ABCC10: variants seen among roughly 807,000 people sequenced by gnomAD.
ABCC10 encodes the protein ATP binding cassette subfamily C member 10, also known as ATP-binding cassette sub-family C member 10.
A neutral mutation model predicts 143.2 loss-of-function variants in ABCC10; 110 were observed. The ratio of observed to expected loss-of-function variants is 0.77; its 90% CI spans 0.66 to 0.90. The LOEUF (loss-of-function observed/expected upper bound fraction) is 0.90, where lower values mean the gene tolerates loss of function less well. Among genes scored for constraint, ABCC10 ranks in the 40% least tolerant of loss-of-function variants. The pLI is 0.00. For synonymous variants in ABCC10, 805 were observed against 846.7 expected (o/e 0.95, Z 0.85); for missense variants, 1,700 against 1,900.5 (o/e 0.89, Z 1.96).
rs148676739 is a variant in ABCC10 at position 43,434,649 on chromosome 6, G to A, written c.1409G>A (p.Arg470Gln). The A allele has an allele frequency of 4.1e-5, 66 of 1,613,868 alleles. No homozygotes were observed. Among genetic ancestry groups the A allele is most frequent in the East Asian group, 1.6e-4 (7 of 44,890 alleles). Residue 470 changes from arginine to glutamine, a missense_variant, in exon 4 of 22, where the codon CGG becomes CAG. Transcript: ENST00000372530. ...GTGACAGAGCTGCTGAGTGGCATTC[G>A]GGTCATCAAGTTCTGCGGGTGGGAG... is the stretch of plus-strand genomic sequence containing the variant. ...KLVTELLSGI[R>Q]VIKFCGWEQA...
rs760732266 is a variant in ABCC10, at chr6:43,432,657, A to T, written c.677A>T (p.Tyr226Phe). 5 of 1,613,772 alleles carry T rather than the reference A, an allele frequency of 3.1e-6. No homozygotes were observed. The highest frequency in any genetic ancestry group is 1.6e-4 in the Middle Eastern group (1 of 6,062). The change falls in exon 3 of 22, where the codon TAT becomes TTT. Residue 226 changes from tyrosine (Y) to phenylalanine (F), a missense_variant. By Grantham distance (22) the Tyr-to-Phe change is conservative. Coordinates refer to ENST00000372530, the MANE Select transcript of ABCC10 (RefSeq NM_001198934.2). Reference sequence around the variant, plus strand: ...GAGAGTTGGCTGTCACGCTTTTCCTATGCCTGGCTGGCACCCTTGCTGGCC... The same window carrying T: ...GAGAGTTGGCTGTCACGCTTTTCCTTTGCCTGGCTGGCACCCTTGCTGGCC... ...DGESWLSRFS[Y>F]AWLAPLLARG...
At chr6:43,450,696 C>G (rs865806253), downstream of ABCC10, 1 of 1,614,024 alleles carries the variant, frequency 6.2e-7, no homozygotes, top group Admixed American at 1.7e-5. This position sits in a 1 kb window ranked among gnomAD's most constrained non-coding sequence, Gnocchi z 4.5. Flanking sequence ...ACCCCGGCGC[C>G]AGGCCCTCAG....
intron 15 of ABCC10, 133 bp downstream of exon 15, chr6:43,446,075 C>A: frequency 1.7e-6 from 2 of 1,206,770 alleles, no homozygotes; most frequent in Non-Finnish European, 2.3e-6. Context: ...AGGAAAGCAA[C>A]AGAAGAAGGA....
At chr6:43,433,930 G>A (rs983916856) in intron 3 of ABCC10, among the ~76,000 whole-genome samples, 2 of 152,258 alleles carry the variant, frequency 1.3e-5, no homozygotes, top group Admixed American at 6.5e-5. Context: ...GTTCTGCAGT[G>A]ATTGTGGGTA....
intron 8 of ABCC10, 42 bp downstream of exon 8, chr6:43,438,837 C>T (rs1430332197): frequency 6.2e-7 from 1 of 1,607,310 alleles, no homozygotes; most frequent in Non-Finnish European, 8.5e-7. Flanking sequence ...CCTGTTTCTC[C>T]AGTGTCCCTG....
intron 18 of ABCC10, chr6:43,448,166 C>T (rs1266185354): frequency 2.8e-6 from 2 of 705,424 alleles, no homozygotes; most frequent in East Asian, 2.8e-5. Context: ...GCCACCTTTC[C>T]AGCTTCATCT....
Position 43,447,250 on chromosome 6 carries a change from C to A in ABCC10, c.3547C>A (p.Leu1183Met). The change falls in exon 17 of 22, where the codon CTG becomes ATG. Residue 1183 changes from leucine to methionine, a missense_variant and splice_region_variant. Leu to Met is a conservative substitution (Grantham distance 15, BLOSUM62 2). Transcript: ENST00000372530. ...QHQQGLANPG[L>M]VGLSLSYALS... is the part of the protein sequence containing the mutation. Reference sequence around the variant, plus strand: ...CAGCTGGTACTTCTCTCCCCCAGGGCTGGTGGGCTTGTCGCTGTCTTATGC... The same window carrying A: ...CAGCTGGTACTTCTCTCCCCCAGGGATGGTGGGCTTGTCGCTGTCTTATGC... The A allele has an allele frequency of 6.2e-7, 1 of 1,613,034 alleles. No individual in the cohort carries two copies. The highest frequency in any genetic ancestry group is 8.5e-7 in the Non-Finnish European group (1 of 1,179,732).
At chr6:43,446,157 G>T in intron 15 of ABCC10, 120 bp from the exon 16 acceptor site, 1 of 1,288,484 alleles carries the variant, frequency 7.8e-7, no homozygotes. Flanking sequence ...GAGGCCTGTG[G>T]GTATACAGAC....
intron 2 of ABCC10, among the ~76,000 whole-genome samples, chr6:43,429,918 C>T (rs1431417938): frequency 6.6e-6 from 1 of 152,028 alleles, no homozygotes; most frequent in Non-Finnish European, 1.5e-5. Context: ...CCAGCCTGGA[C>T]GACAAAGCGA....
Position 43,445,907 on chromosome 6 carries a change from CCT to C in ABCC10, c.3344_3345del (p.Ser1115CysfsTer12). 8 of 1,613,278 alleles carry C rather than the reference CCT, an allele frequency of 5.0e-6. No homozygotes were observed. Among genetic ancestry groups the C allele is most frequent in the Non-Finnish European group, 6.8e-6 (8 of 1,179,470 alleles). ...GCCATCTGGCCGATACCTTGGCTGG[CCT>C]CTCTGTGCTCCGGGCCACAGGGGCC... ...YSHLADTLAG[L>X]SVLRATGATY... On this transcript the variant is annotated frameshift_variant, in exon 15 of 22. Transcript: ENST00000372530. LOFTEE classifies it high-confidence loss of function.
chr6:43,428,172 T>C (rs1176130930), intron 2 of ABCC10, 33 bp downstream of exon 2: 3 of 1,493,536 alleles, frequency 2.0e-6, no homozygotes, highest in Middle Eastern at 2.2e-4. Flanking sequence ...CATCTGTCCA[T>C]GTGTGCCTGC....
chr6:43,432,199 C>T lies in ABCC10; in HGVS notation c.219C>T (p.Ser73=). The change falls in exon 3 of 22, where the codon TCC becomes TCT. Residue 73 remains serine, a synonymous_variant. Coordinates refer to ENST00000372530, the MANE Select transcript of ABCC10 (RefSeq NM_001198934.2). Reference sequence around the variant, plus strand: ...GATGGCGCCTCCGACTTGCAGCTTCCTTCCTGCTTTCCGTCTTCCCGCTGC... The same window carrying T: ...GATGGCGCCTCCGACTTGCAGCTTCTTTCCTGCTTTCCGTCTTCCCGCTGC... ...SPGWRLRLAA[S]FLLSVFPLLD... 6.2e-7 allele frequency: 1 copy of T among 1,614,252 alleles called. No homozygotes were observed. The highest frequency in any genetic ancestry group is 8.5e-7 in the Non-Finnish European group (1 of 1,180,042).
downstream of ABCC10, chr6:43,451,153 T>G: frequency 1.2e-6 from 2 of 1,614,160 alleles, no homozygotes; most frequent in Non-Finnish European, 1.7e-6. The surrounding 1 kb of genome is among the most constrained non-coding windows in gnomAD (Gnocchi z 4.4). Context: ...CAAGGCCGCA[T>G]CAGGCAGTCA....
chr6:43,431,600 G>A (rs1020136304), intron 2 of ABCC10, among the ~76,000 whole-genome samples: 7 of 152,176 alleles, frequency 4.6e-5, no homozygotes, highest in African/African-American at 1.7e-4. Flanking sequence ...AACCTCAGGC[G>A]ATCCTCCCGT....
chr6:43,439,641 T>G (rs953004270), intron 8 of ABCC10, among the ~76,000 whole-genome samples: 1 of 152,196 alleles, frequency 6.6e-6, no homozygotes, highest in African/African-American at 2.4e-5. Flanking sequence ...TGGAGTGCAG[T>G]GGCACAATCT....
downstream of ABCC10, chr6:43,450,731 C>A (rs1029655484): frequency 6.2e-7 from 1 of 1,614,176 alleles, no homozygotes; most frequent in Non-Finnish European, 8.5e-7. The surrounding 1 kb of genome is among the most constrained non-coding windows in gnomAD (Gnocchi z 4.5). Flanking sequence ...TAGCCAGAAC[C>A]AGGGCAGCAG....
chr6:43,448,970 G>A lies in ABCC10; in HGVS notation c.4049G>A (p.Arg1350Lys), dbSNP rs1172842174. The change falls in exon 19 of 22, where the codon AGG becomes AAG. Residue 1350 changes from arginine to lysine, a missense_variant. Coordinates refer to ENST00000372530, the MANE Select transcript of ABCC10 (RefSeq NM_001198934.2). Reference protein sequence around the residue: ...NLDPQGLHKDRALWQALKQCH... With the variant: ...NLDPQGLHKDKALWQALKQCH... The stretch of plus-strand genomic sequence containing the variant: ...GACCCCCAGGGCCTACATAAGGACA[G>A]GGCCTTGTGGCAGGCCCTGAAGCAG... 2 of 1,614,202 alleles carry A rather than the reference G, an allele frequency of 1.2e-6. No individual in the cohort carries two copies. Among genetic ancestry groups the A allele is most frequent in the Non-Finnish European group, 1.7e-6 (2 of 1,180,016 alleles).
intron 9 of ABCC10, among the ~76,000 whole-genome samples, chr6:43,442,518 C>G (rs1359514927): frequency 2.0e-5 from 3 of 152,052 alleles, no homozygotes; most frequent in African/African-American, 7.2e-5. Flanking sequence ...TTGCAGTGAG[C>G]CAAGATCACA....
intron 15 of ABCC10, 100 bp from the exon 16 acceptor site, chr6:43,446,177 A>G (rs1783048610): frequency 1.4e-6 from 2 of 1,410,546 alleles, no homozygotes; most frequent in Admixed American, 4.1e-5. Flanking sequence ...CCAGCTCCCA[A>G]GAAGGAGCTG....
Sources: allele counts gnomAD v4.1 joint callset (sites outside exome capture counted in the v4.1 genomes callset), GRCh38; gene constraint gnomAD v4.1.1; non-coding constraint Gnocchi (gnomAD v3.1); transcripts MANE v1.5; gene names NCBI Gene and HGNC (gene_info 2026-07-23, HGNC 2026-07-21).